Variants in ADK observed in about 807,000 individuals in gnomAD.
ADK encodes adenosine kinase, also known as N6,N6-dimethyladenosine kinase.
ADK carries 24 observed loss-of-function variants against 44.7 expected under a neutral mutation model. The ratio of observed to expected loss-of-function variants is 0.54; its 90% CI spans 0.39 to 0.76. The LOEUF (loss-of-function observed/expected upper bound fraction) is 0.76, where lower values mean the gene tolerates loss of function less well. ADK is among the 30% of genes least tolerant of loss of function. The pLI, the probability that ADK is intolerant of heterozygous loss-of-function variation, is 0.00. For missense variants in ADK, 321 were observed against 425.1 expected, an observed-to-expected ratio of 0.76 and a Z score of 2.15; for synonymous variants, 128 against 142.6, an observed-to-expected ratio of 0.90 and a Z score of 0.73.
chr10:74,371,802 T>G (rs377332054), intron 4 of ADK: 2 of 1,277,882 alleles, frequency 1.6e-6, no homozygotes, highest in African/African-American at 2.9e-5. Context: ...TGTGCTGAAG[T>G]TTGCTGCTGC....
At chr10:74,659,174 C>T (rs995041296) in intron 9 of ADK, among the ~76,000 whole-genome samples, 1 of 152,184 alleles carries the variant, frequency 6.6e-6, no homozygotes, top group Non-Finnish European at 1.5e-5. Context: ...GCTGTGATGG[C>T]ACCACTGCAC....
intron 9 of ADK, among the ~76,000 whole-genome samples, chr10:74,642,432 T>C (rs1325599089): frequency 6.6e-6 from 1 of 151,228 alleles, no homozygotes; most frequent in Non-Finnish European, 1.5e-5. Context: ...TTCAAACTTC[T>C]GGGCTCAAGC....
chr10:74,557,466 T>C (rs1287212629), intron 7 of ADK, among the ~76,000 whole-genome samples: 2 of 152,232 alleles, frequency 1.3e-5, no homozygotes, highest in South Asian at 2.1e-4. Context: ...TCTAGGTCAT[T>C]GTTTAAAATC....
intron 3 of ADK, among the ~76,000 whole-genome samples, chr10:74,255,694 A>G (rs1228254927): frequency 1.3e-5 from 2 of 152,208 alleles, no homozygotes; most frequent in Non-Finnish European, 2.9e-5. Flanking sequence ...AAGTTAATTT[A>G]TTAGAATTGC....
At chr10:74,702,524 T>TTGCCTTCCTTCCTTCCTTCCTTCCTTCC (rs1589382755) in intron 10 of ADK, among the ~76,000 whole-genome samples, 1 of 120,818 alleles carries the variant, frequency 8.3e-6, no homozygotes, top group Non-Finnish European at 1.7e-5. Flanking sequence ...TCCTTCCTTC[T>TTGCCTTCCTTCCTTCCTTCCTTCCTTCC]TTCCTTCCTT....
intron 4 of ADK, among the ~76,000 whole-genome samples, chr10:74,335,749 T>C (rs1440686318): frequency 2.0e-5 from 3 of 152,206 alleles, no homozygotes; most frequent in African/African-American, 7.2e-5. Context: ...GAGAGGAGCA[T>C]CTCATTGTTT....
At chr10:74,689,037 C>T (rs924906585) in intron 10 of ADK, among the ~76,000 whole-genome samples, 1 of 152,084 alleles carries the variant, frequency 6.6e-6, no homozygotes, top group Admixed American at 6.5e-5. Context: ...ATCATGAGGT[C>T]AGGAGATCGA....
chr10:74,259,519 C>T (rs1272441429), intron 3 of ADK, among the ~76,000 whole-genome samples: 2 of 142,694 alleles, frequency 1.4e-5, no homozygotes, highest in Non-Finnish European at 3.0e-5. Flanking sequence ...TGCAGTGGCG[C>T]GATCTCGGCT....
Position 74,244,651 on chromosome 10 carries a change from G to A in ADK, c.194+20060G>A, listed in dbSNP as rs185757889. ...TTTCAAGATTTCTTTATATTGTTAAGTAAACAATATTACTATCTCATTTGA... is the reference window on the plus strand; with the variant it reads ...TTTCAAGATTTCTTTATATTGTTAAATAAACAATATTACTATCTCATTTGA... On this transcript the variant is annotated intron_variant, in intron 3 of 10. Coordinates refer to ENST00000539909, the MANE Select transcript of ADK (RefSeq NM_006721.4). 2.0e-5 allele frequency among the ~76,000 whole-genome samples: 3 copies of A among 152,226 alleles called. No homozygotes were observed. The East Asian group carries it at 5.8e-4, about 29-fold the overall frequency.
chr10:74,359,600 C>T (rs1381780853), intron 4 of ADK, among the ~76,000 whole-genome samples: 1 of 152,018 alleles, frequency 6.6e-6, no homozygotes, highest in Non-Finnish European at 1.5e-5. Context: ...GTCCTGTCTA[C>T]TTGGGAGGCT....
At chr10:74,669,299 C>T (rs1855086082) in intron 9 of ADK, among the ~76,000 whole-genome samples, 1 of 152,194 alleles carries the variant, frequency 6.6e-6, no homozygotes, top group Non-Finnish European at 1.5e-5. Flanking sequence ...GAGTCTTTAG[C>T]CACTCTGTCC....
chr10:74,536,753 C>G (rs1849463302), intron 7 of ADK, among the ~76,000 whole-genome samples: 1 of 152,084 alleles, frequency 6.6e-6, no homozygotes, highest in African/African-American at 2.4e-5. Context: ...CAAGTAGGAT[C>G]ATACAAAAGT....
chr10:74,486,109 G>A (rs1847258337), intron 6 of ADK, among the ~76,000 whole-genome samples: 1 of 152,132 alleles, frequency 6.6e-6, no homozygotes, highest in African/African-American at 2.4e-5. Context: ...GACCTGGTGG[G>A]AGGTGATTGG....
At chr10:74,547,777 G>GTCCT (rs1849890121) in intron 7 of ADK, among the ~76,000 whole-genome samples, 1 of 152,144 alleles carries the variant, frequency 6.6e-6, no homozygotes, top group Non-Finnish European at 1.5e-5. Flanking sequence ...TCCTGCCTCA[G>GTCCT]CCTCCCGAAT....
intron 1 of ADK, among the ~76,000 whole-genome samples, chr10:74,197,528 C>T (rs927123181): frequency 6.6e-6 from 1 of 151,866 alleles, no homozygotes; most frequent in Non-Finnish European, 1.5e-5. Context: ...GGTGAAACCC[C>T]ATTTCTACTA....
chr10:74,661,891 G>A (rs1472852360), intron 9 of ADK, among the ~76,000 whole-genome samples: 3 of 152,134 alleles, frequency 2.0e-5, no homozygotes, highest in Non-Finnish European at 4.4e-5. Context: ...TAAGCTCCTT[G>A]AGAAGATAGA....
chr10:74,380,680 C>T (rs775519215), intron 4 of ADK, among the ~76,000 whole-genome samples: 10 of 152,058 alleles, frequency 6.6e-5, no homozygotes, highest in Non-Finnish European at 1.0e-4. Context: ...ATCGCTTGAA[C>T]CTGGGAGGCA....
intron 3 of ADK, among the ~76,000 whole-genome samples, chr10:74,240,586 T>A (rs1056183518): frequency 6.6e-6 from 1 of 152,132 alleles, no homozygotes; most frequent in African/African-American, 2.4e-5. Flanking sequence ...TAGCAAATAT[T>A]TTTTAGAGGT....
intron 7 of ADK, among the ~76,000 whole-genome samples, chr10:74,576,394 C>T (rs893032936): frequency 6.6e-6 from 1 of 151,766 alleles, no homozygotes; most frequent in Non-Finnish European, 1.5e-5. Context: ...TATTTAACCA[C>T]AAAATGAAAA....
Sources: allele counts gnomAD v4.1 joint callset (sites outside exome capture counted in the v4.1 genomes callset), GRCh38; gene constraint gnomAD v4.1.1; transcripts MANE v1.5; gene names NCBI Gene and HGNC (gene_info 2026-07-23, HGNC 2026-07-21).